Variants in BOK observed in about 807,000 individuals in gnomAD.
The protein encoded by BOK is bcl-2-related ovarian killer protein.
Under a neutral mutation model 18.3 loss-of-function variants are expected in BOK, and 20 were observed. The ratio of observed to expected loss-of-function variants is 1.09; its 90% CI spans 0.77 to 1.59. The LOEUF (loss-of-function observed/expected upper bound fraction) is 1.59, where lower values mean the gene tolerates loss of function less well. Ranked by LOEUF, BOK falls within the 40% of genes most tolerant of loss-of-function variation. The probability of loss-of-function intolerance (pLI) is 0.00; values close to 1 mark genes in which losing one functional copy is unlikely to be tolerated. For synonymous variants in BOK, 173 were observed against 142.4 expected (o/e 1.21, Z -1.53); for missense variants, 348 against 307.9 (o/e 1.13, Z -0.97).
At chr2:241,556,153 C>T (rs1255669684), upstream of BOK, among the ~76,000 whole-genome samples, 3 of 152,338 alleles carry the variant, frequency 2.0e-5, no homozygotes, top group Non-Finnish European at 4.4e-5. Context: ...AAATCTGAGG[C>T]GCACACTGTC....
intron 3 of BOK, among the ~76,000 whole-genome samples, chr2:241,569,278 CGT>C (rs2066666381): frequency 6.6e-6 from 1 of 151,644 alleles, no homozygotes. Context: ...ATTATAGGCG[CGT>C]GCCACCACGC....
chr2:241,568,307 A>C (rs915180443), intron 3 of BOK, among the ~76,000 whole-genome samples: 4 of 151,522 alleles, frequency 2.6e-5, no homozygotes, highest in Non-Finnish European at 5.9e-5. Flanking sequence ...TTTTTAGTAG[A>C]GATGGGGTTT....
intron 3 of BOK, among the ~76,000 whole-genome samples, chr2:241,568,155 C>A (rs1055411190): frequency 1.3e-5 from 2 of 152,118 alleles, no homozygotes; most frequent in Admixed American, 1.3e-4. Context: ...TTTTTTCACT[C>A]TATTGCCCAG....
chr2:241,559,784 T>A, intron 2 of BOK, 81 bp downstream of exon 2: 7 of 1,256,118 alleles, frequency 5.6e-6, no homozygotes. Context: ...GAGATGGGGG[T>A]CCGGCCCAGG....
At chr2:241,570,030 A>C in intron 3 of BOK, 95 bp from the exon 4 acceptor site, 1 of 1,423,516 alleles carries the variant, frequency 7.0e-7, no homozygotes, top group Non-Finnish European at 9.4e-7. Flanking sequence ...GCTGGACGGC[A>C]AGCAGGACAG....
chr2:241,559,893 C>A (rs1023250037), intron 2 of BOK, among the ~76,000 whole-genome samples, 190 bp downstream of exon 2: 4 of 152,214 alleles, frequency 2.6e-5, no homozygotes, highest in Admixed American at 2.0e-4. Flanking sequence ...CGCCACAGGC[C>A]CCCCCATCAG....
At position 241,562,449 on chromosome 2, in the gene BOK, GCCGTGGCTGGCCA is replaced by G. The variant is rs2066544115; in HGVS notation, c.324_336del (p.Val109SerfsTer26). On this transcript the variant is annotated frameshift_variant, in exon 3 of 5. Transcript: ENST00000318407. LOFTEE classifies it high-confidence loss of function. This position sits in a 1 kb window ranked among gnomAD's most constrained non-coding sequence, Gnocchi z 4.5. ...GCCTGTGGTGACCGATGCGTTCCTG[GCCGTGGCTGGCCA>G]CATCTTCTCTGCAGGTATGCCCAGC... 2.5e-6 allele frequency: 4 copies of G among 1,611,690 alleles called. No individual in the cohort carries two copies. The highest frequency in any genetic ancestry group is 3.4e-6 in the Non-Finnish European group (4 of 1,179,716).
chr2:241,559,403 C>A, intron 1 of BOK, 52 bp from the exon 2 acceptor site: 1 of 1,195,668 alleles, frequency 8.4e-7, no homozygotes, highest in South Asian at 2.7e-5. Flanking sequence ...GCCCCGCGCG[C>A]CCCGTTCCCC....
chr2:241,569,193 C>T (rs752535690), intron 3 of BOK, among the ~76,000 whole-genome samples: 27 of 152,212 alleles, frequency 1.8e-4, no homozygotes, highest in Non-Finnish European at 2.2e-4. Context: ...TGTACTGGCG[C>T]GATCTCAGCT....
At chr2:241,567,420 C>T (rs987697336) in intron 3 of BOK, among the ~76,000 whole-genome samples, 2 of 135,018 alleles carry the variant, frequency 1.5e-5, no homozygotes, top group Non-Finnish European at 3.2e-5. Flanking sequence ...AGCCACCGCA[C>T]CCAGCGTGGA....
At chr2:241,569,496 G>A (rs2066671326) in intron 3 of BOK, among the ~76,000 whole-genome samples, 1 of 152,210 alleles carries the variant, frequency 6.6e-6, no homozygotes, top group South Asian at 2.1e-4. Context: ...ATTAATGAAG[G>A]TAAACATTTT....
At chr2:241,552,190 G>A (rs539870444) in intron 1 of BOK, among the ~76,000 whole-genome samples, 48 of 152,210 alleles carry the variant, frequency 3.2e-4, no homozygotes, top group African/African-American at 9.9e-4. Context: ...ACCCACAAGC[G>A]GCTCCCTCCA....
chr2:241,554,515 G>A (rs2066436920), upstream of BOK, among the ~76,000 whole-genome samples: 1 of 152,222 alleles, frequency 6.6e-6, no homozygotes, highest in Non-Finnish European at 1.5e-5. Flanking sequence ...TCCAGGGCCA[G>A]GTATGAGACC....
At chr2:241,569,154 G>A (rs1028942290) in intron 3 of BOK, among the ~76,000 whole-genome samples, 9 of 152,104 alleles carry the variant, frequency 5.9e-5, no homozygotes, top group African/African-American at 1.2e-4. Context: ...ATTTAGAGAC[G>A]GGGTCTCGCT....
At chr2:241,558,652 C>A (rs1269830969), upstream of BOK, 1 of 152,330 alleles carries the variant, frequency 6.6e-6, no homozygotes, top group African/African-American at 2.4e-5. Flanking sequence ...GGAACTCGCT[C>A]GGTCCTCCTT....
chr2:241,557,316 T>C (rs1394320513), upstream of BOK, among the ~76,000 whole-genome samples: 1 of 148,922 alleles, frequency 6.7e-6, no homozygotes, highest in Non-Finnish European at 1.5e-5. Flanking sequence ...TCCTTTTTTT[T>C]TTTTTTTTTT....
At chr2:241,554,391 C>T (rs537467601), upstream of BOK, among the ~76,000 whole-genome samples, 248 of 152,316 alleles carry the variant, frequency 1.6e-3, 5 homozygotes, top group South Asian at 0.024. Context: ...GACCCCTCTG[C>T]GCCCCACTCT....
chr2:241,571,217 C>T (rs545595317), intron 4 of BOK, among the ~76,000 whole-genome samples: 3 of 152,188 alleles, frequency 2.0e-5, no homozygotes, highest in East Asian at 1.9e-4. Flanking sequence ...CCCGCCCTCC[C>T]GAGTGGGAAA....
chr2:241,554,286 G>A (rs1212220261), upstream of BOK, among the ~76,000 whole-genome samples: 1 of 151,980 alleles, frequency 6.6e-6, no homozygotes, highest in Non-Finnish European at 1.5e-5. Context: ...AGATAGAGAG[G>A]AGCCATGAGG....
Sources: allele counts gnomAD v4.1 joint callset (sites outside exome capture counted in the v4.1 genomes callset), GRCh38; gene constraint gnomAD v4.1.1; non-coding constraint Gnocchi (gnomAD v3.1); transcripts MANE v1.5; gene names NCBI Gene and HGNC (gene_info 2026-07-23, HGNC 2026-07-21).